Variants in DLGAP2 observed in about 807,000 individuals in gnomAD.
DLGAP2 encodes disks large-associated protein 2.
Under a neutral mutation model 100.3 loss-of-function variants are expected in DLGAP2, and 26 were observed. The observed-to-expected ratio is 0.26, with a 90% CI of 0.19 to 0.36. DLGAP2 has a LOEUF of 0.36. DLGAP2 is among the 10% of genes least tolerant of loss of function. The pLI is 1.00. For synonymous variants in DLGAP2, 886 were observed against 630.1 expected (o/e 1.41, Z -6.08); for missense variants, 1,858 against 1,453.2 (o/e 1.28, Z -4.53).
chr8:1,210,551 C>T (rs1563255705), intron 2 of DLGAP2, among the ~76,000 whole-genome samples: 2 of 152,208 alleles, frequency 1.3e-5, no homozygotes, highest in Non-Finnish European at 2.9e-5. Context: ...ACAGCACAGG[C>T]CCACTGAGTG....
intron 6 of DLGAP2, among the ~76,000 whole-genome samples, chr8:1,603,814 C>A (rs899641832): frequency 6.6e-6 from 1 of 152,168 alleles, no homozygotes. Flanking sequence ...CTAAACCTGA[C>A]CACATCATCC....
intron 2 of DLGAP2, among the ~76,000 whole-genome samples, chr8:1,232,214 G>A (rs753593370): frequency 9.2e-5 from 14 of 152,330 alleles, no homozygotes; most frequent in South Asian, 4.1e-4. Context: ...CACACTTGCC[G>A]GGGTCATCAG....
At chr8:748,855 T>C (rs1260516462) in intron 1 of DLGAP2, among the ~76,000 whole-genome samples, 1 of 152,212 alleles carries the variant, frequency 6.6e-6, no homozygotes, top group African/African-American at 2.4e-5. Context: ...GCGGAGACCT[T>C]TCGTTGGCTG....
At chr8:1,207,919 G>A (rs1798028589) in intron 2 of DLGAP2, among the ~76,000 whole-genome samples, 1 of 151,884 alleles carries the variant, frequency 6.6e-6, no homozygotes, top group South Asian at 2.1e-4. Flanking sequence ...GGGATTATTT[G>A]TTTTTATTTC....
intron 6 of DLGAP2, among the ~76,000 whole-genome samples, chr8:1,616,855 C>A (rs531607097): frequency 6.6e-6 from 1 of 151,996 alleles, no homozygotes; most frequent in African/African-American, 2.4e-5. Flanking sequence ...AGCATTGCAC[C>A]TAATAGGTAT....
chr8:1,339,723 C>T (rs574226540), intron 3 of DLGAP2, among the ~76,000 whole-genome samples: 17 of 152,258 alleles, frequency 1.1e-4, no homozygotes, highest in Admixed American at 2.0e-4. Context: ...CTCACCCGGG[C>T]GCATCAGGGC....
chr8:1,289,310 G>A (rs1284897719), intron 3 of DLGAP2, among the ~76,000 whole-genome samples: 1 of 152,178 alleles, frequency 6.6e-6, no homozygotes, highest in African/African-American at 2.4e-5. Context: ...CCAAATTGGA[G>A]GAAATGAAAA....
At chr8:1,193,589 C>G (rs960702265) in intron 2 of DLGAP2, among the ~76,000 whole-genome samples, 1 of 152,162 alleles carries the variant, frequency 6.6e-6, no homozygotes, top group African/African-American at 2.4e-5. Flanking sequence ...GCTGCTGTGT[C>G]CACACACCAC....
At chr8:789,271 A>C (rs902749326) in intron 1 of DLGAP2, among the ~76,000 whole-genome samples, 2 of 152,240 alleles carry the variant, frequency 1.3e-5, no homozygotes, top group African/African-American at 4.8e-5. Context: ...TGCGGGAAGC[A>C]TGGCTGGGAG....
At chr8:1,599,636 CTTT>C (rs1353212732) in intron 6 of DLGAP2, among the ~76,000 whole-genome samples, 3 of 152,154 alleles carry the variant, frequency 2.0e-5, no homozygotes, top group African/African-American at 7.2e-5. Context: ...TGATGCTCTT[CTTT>C]GTCTTTTTAG....
intron 6 of DLGAP2, among the ~76,000 whole-genome samples, chr8:1,571,193 A>C (rs1412766802): frequency 1.8e-5 from 2 of 108,434 alleles, no homozygotes; most frequent in African/African-American, 3.8e-5. Context: ...GGGGCATCTG[A>C]TGAGATGGAG....
At chr8:1,061,895 C>A (rs1477309318) in intron 2 of DLGAP2, among the ~76,000 whole-genome samples, 3 of 152,068 alleles carry the variant, frequency 2.0e-5, no homozygotes, top group Non-Finnish European at 2.9e-5. Flanking sequence ...ACCCTGCCCA[C>A]TCACTCTTAT....
chr8:1,671,544 C>T (rs1237681125), intron 10 of DLGAP2, among the ~76,000 whole-genome samples: 2 of 152,222 alleles, frequency 1.3e-5, no homozygotes, highest in Non-Finnish European at 2.9e-5. Flanking sequence ...GTGGGGGGTC[C>T]TGTCCCACAA....
intron 3 of DLGAP2, among the ~76,000 whole-genome samples, chr8:1,279,544 C>T (rs181821651): frequency 5.9e-5 from 9 of 152,294 alleles, no homozygotes; most frequent in Non-Finnish European, 1.5e-5. Flanking sequence ...GCATAATAGA[C>T]TACCGTAAGC....
chr8:1,282,113 A>T (rs1221572460), intron 3 of DLGAP2, among the ~76,000 whole-genome samples: 1 of 146,352 alleles, frequency 6.8e-6, no homozygotes, highest in African/African-American at 2.7e-5. Flanking sequence ...CAGCACTCTG[A>T]ACCATCCGGA....
chr8:872,069 T>G (rs1797609425), intron 1 of DLGAP2, among the ~76,000 whole-genome samples: 1 of 152,216 alleles, frequency 6.6e-6, no homozygotes, highest in African/African-American at 2.4e-5. Flanking sequence ...TTTATATCAT[T>G]GTTTTCATTG....
At chr8:1,382,844 C>T (rs561183932) in intron 3 of DLGAP2, among the ~76,000 whole-genome samples, 2 of 152,290 alleles carry the variant, frequency 1.3e-5, no homozygotes, top group East Asian at 3.9e-4. Context: ...GTTGAATAAA[C>T]TTTAGTATAT....
chr8:1,107,180 G>T (rs995383855), intron 2 of DLGAP2, among the ~76,000 whole-genome samples: 1 of 151,902 alleles, frequency 6.6e-6, no homozygotes, highest in Admixed American at 6.5e-5. Flanking sequence ...GAGAGCAGAG[G>T]CTTTGCAGTG....
At chr8:1,607,624 G>C (rs905401217) in intron 6 of DLGAP2, among the ~76,000 whole-genome samples, 1 of 152,254 alleles carries the variant, frequency 6.6e-6, no homozygotes. Context: ...TTCCATCTGA[G>C]GTACCGGGTT....
Sources: allele counts gnomAD v4.1 joint callset (sites outside exome capture counted in the v4.1 genomes callset), GRCh38; gene constraint gnomAD v4.1.1; transcripts MANE v1.5; gene names NCBI Gene and HGNC (gene_info 2026-07-23, HGNC 2026-07-21).